Variants in UBXN4 observed in about 807,000 individuals in gnomAD.
UBXN4 encodes the protein UBX domain-containing protein 4.
Under a neutral mutation model 66.2 loss-of-function variants are expected in UBXN4, and 35 were observed. The ratio of observed to expected loss-of-function variants is 0.53; its 90% CI spans 0.40 to 0.70. The LOEUF is 0.70. Ranked by LOEUF, UBXN4 falls within the 30% of genes least tolerant of loss-of-function variation. The pLI, the probability that UBXN4 is intolerant of heterozygous loss-of-function variation, is 0.00. For synonymous variants in UBXN4, 203 were observed against 204.5 expected (o/e 0.99, Z 0.06); for missense variants, 533 against 599.8 (o/e 0.89, Z 1.16).
chr2:135,782,583 T>C (rs2077456748), intron 12 of UBXN4, among the ~76,000 whole-genome samples, 166 bp from the exon 13 acceptor site: 1 of 152,242 alleles, frequency 6.6e-6, no homozygotes, highest in South Asian at 2.1e-4. Context: ...TGCTAAAGTC[T>C]AGTACTGTGT....
chr2:135,762,499 A>T (rs1322255353), intron 6 of UBXN4, among the ~76,000 whole-genome samples: 1 of 152,220 alleles, frequency 6.6e-6, no homozygotes, highest in African/African-American at 2.4e-5. Context: ...ATGGAAGTTT[A>T]AAAAAATTCC....
rs1201500943 is a variant in UBXN4, at chr2:135,741,867, C to T, written c.-63C>T. ...CGCAGAGCCGGACGAAGACGGAGGG[C>T]GGAGCCGGCTTCGGGACTGCGGAGA... On this transcript the variant is annotated 5_prime_UTR_variant, in exon 1 of 13. Coordinates refer to ENST00000272638, the MANE Select transcript of UBXN4 (RefSeq NM_014607.4). 11 of 1,534,990 alleles carry T rather than the reference C, an allele frequency of 7.2e-6. No homozygotes were observed. In the East Asian group the frequency reaches 1.5e-4, roughly 21 times the overall value.
Position 135,783,742 on chromosome 2 carries a change from CA to C in UBXN4, c.*857del, listed in dbSNP as rs1436774166. 6.6e-6 allele frequency: 1 copy of C among 152,034 alleles called. No individual in the cohort carries two copies. Among genetic ancestry groups the C allele is most frequent in the African/African-American group, 2.4e-5 (1 of 41,382 alleles). 9.4% of individuals were successfully genotyped at this position (152,034 alleles called of 1,614,324 possible). On this transcript the variant is annotated 3_prime_UTR_variant, in exon 13 of 13. Transcript: ENST00000272638. Reference sequence around the variant, plus strand: ...TCACCTTTAACTGACGTTTTGTCCTCAATAATTACACAAGGACCTAGAGTAC... The same window carrying C: ...TCACCTTTAACTGACGTTTTGTCCTCATAATTACACAAGGACCTAGAGTAC...
intron 8 of UBXN4, among the ~76,000 whole-genome samples, chr2:135,771,216 C>T (rs2077381146): frequency 6.6e-6 from 1 of 152,196 alleles, no homozygotes; most frequent in South Asian, 2.1e-4. Flanking sequence ...GTGGCTCACG[C>T]CTGTAATCCC....
chr2:135,765,222 T>TC (rs2077339906), intron 6 of UBXN4, among the ~76,000 whole-genome samples: 1 of 151,848 alleles, frequency 6.6e-6, no homozygotes, highest in Non-Finnish European at 1.5e-5. Flanking sequence ...TTTTTTTTTT[T>TC]CCCTGAGATG....
chr2:135,748,867 T>TAA (rs1335345309), intron 2 of UBXN4, among the ~76,000 whole-genome samples: 2 of 145,766 alleles, frequency 1.4e-5, no homozygotes, highest in African/African-American at 2.5e-5. Context: ...TTGTCTCTAC[T>TAA]AAAAAAAAAA....
chr2:135,762,947 G>T (rs1373940472), intron 6 of UBXN4, among the ~76,000 whole-genome samples: 1 of 152,140 alleles, frequency 6.6e-6, no homozygotes, highest in African/African-American at 2.4e-5. Flanking sequence ...AATTACATCA[G>T]GTAGCCCTTT....
intron 6 of UBXN4, among the ~76,000 whole-genome samples, chr2:135,763,138 T>C (rs541609194): frequency 6.6e-6 from 1 of 152,378 alleles, no homozygotes; most frequent in South Asian, 2.1e-4. Flanking sequence ...TTGTTCCTTT[T>C]GTGGAATCTG....
At chr2:135,776,806 C>T (rs188252016) in intron 10 of UBXN4, among the ~76,000 whole-genome samples, 3 of 152,176 alleles carry the variant, frequency 2.0e-5, no homozygotes, top group African/African-American at 7.2e-5. Context: ...TGTAGCCGGG[C>T]TGGTCTTGAA....
chr2:135,748,704 G>A (rs1374712685), intron 2 of UBXN4, among the ~76,000 whole-genome samples: 3 of 145,600 alleles, frequency 2.1e-5, no homozygotes, highest in Non-Finnish European at 3.0e-5. Flanking sequence ...CAGCCTGGGT[G>A]ACAGAGTCAA....
chr2:135,772,791 C>A (rs1310455509), intron 9 of UBXN4, among the ~76,000 whole-genome samples: 6 of 151,094 alleles, frequency 4.0e-5, no homozygotes, highest in African/African-American at 1.5e-4. Context: ...GTAATCCCAG[C>A]ACTTTGGGAG....
intron 6 of UBXN4, among the ~76,000 whole-genome samples, chr2:135,769,418 G>A (rs1217189323): frequency 2.0e-5 from 3 of 149,694 alleles, no homozygotes; most frequent in African/African-American, 7.4e-5. Flanking sequence ...TTTTACCATA[G>A]TGCTGTTTAG....
Position 135,748,260 on chromosome 2 carries a change from T to G in UBXN4, c.83-7T>G. 6.4e-7 allele frequency: 1 copy of G among 1,553,650 alleles called. No individual in the cohort carries two copies. The highest frequency in any genetic ancestry group is 8.7e-7 in the Non-Finnish European group (1 of 1,154,004). On this transcript the variant is annotated splice_region_variant and splice_polypyrimidine_tract_variant and intron_variant, in intron 1 of 12. Transcript: ENST00000272638. ...CCTGGTATAAGAATTTTTGAAATGT[T>G]TTACAGGTGATGATGAACAGTCTAC...
intron 6 of UBXN4, among the ~76,000 whole-genome samples, chr2:135,764,204 A>G (rs2077334168): frequency 6.6e-6 from 1 of 152,232 alleles, no homozygotes; most frequent in Non-Finnish European, 1.5e-5. Context: ...CTCTCAGGCT[A>G]CAGTTGAAAC....
chr2:135,772,392 G>A (rs770341536), intron 8 of UBXN4, 28 bp from the exon 9 acceptor site: 1 of 1,608,742 alleles, frequency 6.2e-7, no homozygotes, highest in South Asian at 1.1e-5. Context: ...GGCAGTAAAG[G>A]TAATTGGTAT....
chr2:135,754,151 C>T lies in UBXN4; in HGVS notation c.215-8C>T, dbSNP rs778889190. Reference sequence around the variant, plus strand: ...ACATGAATTGTTAGACTTCATTAAACTGTACAGATCCTGTAGTGTGTGTTC... The same window carrying T: ...ACATGAATTGTTAGACTTCATTAAATTGTACAGATCCTGTAGTGTGTGTTC... On this transcript the variant is annotated splice_polypyrimidine_tract_variant and splice_region_variant and intron_variant, in intron 3 of 12. Transcript: ENST00000272638. 4 of 1,594,478 alleles carry T rather than the reference C, an allele frequency of 2.5e-6. No individual in the cohort carries two copies. The highest frequency in any genetic ancestry group is 3.4e-6 in the Non-Finnish European group (4 of 1,166,276).
chr2:135,768,003 C>T (rs890096469), intron 6 of UBXN4, among the ~76,000 whole-genome samples: 1 of 151,980 alleles, frequency 6.6e-6, no homozygotes, highest in Non-Finnish European at 1.5e-5. Flanking sequence ...GTACTCACTC[C>T]CTTGATTGCT....
intron 2 of UBXN4, 90 bp from the exon 3 acceptor site, chr2:135,753,449 G>T: frequency 2.6e-6 from 3 of 1,143,320 alleles, no homozygotes; most frequent in Non-Finnish European, 3.6e-6. Context: ...GAAAATACTT[G>T]TGATTGGTAC....
intron 5 of UBXN4, among the ~76,000 whole-genome samples, chr2:135,757,157 G>C (rs974330185): frequency 5.9e-5 from 9 of 152,028 alleles, no homozygotes; most frequent in African/African-American, 1.9e-4. Context: ...TGTATATTAG[G>C]CTTCATGGTA....
Sources: gnomAD v4.1 joint callset for allele counts (sites outside exome capture counted in the v4.1 genomes callset) on GRCh38, gnomAD v4.1.1 for gene constraint, MANE v1.5 for transcripts, NCBI Gene and HGNC (gene_info 2026-07-23, HGNC 2026-07-21) for gene names.